The following CSNK1D variants were observed in gnomAD, a reference collection of about 807,000 sequenced individuals.
CSNK1D encodes the protein casein kinase I isoform delta.
A neutral mutation model predicts 46.6 loss-of-function variants in CSNK1D; 16 were observed. That is an observed-to-expected ratio of 0.34 (90% CI 0.23 to 0.52). The LOEUF (loss-of-function observed/expected upper bound fraction) is 0.52. Ranked by LOEUF, CSNK1D falls within the 20% of genes least tolerant of loss-of-function variation. The pLI is 0.95. For missense variants in CSNK1D, 398 were observed against 578.4 expected (o/e 0.69, Z 3.20); for synonymous variants, 276 against 228.2 (o/e 1.21, Z -1.89).
chr17:82,248,785 A>G lies in CSNK1D; in HGVS notation c.1197+90T>C. ...CTCTCAAAAATGGGGGGAAGAAAGGAAAGAAGAAGCCCTGGAGAAACCACA... is the reference window on the plus strand; with the variant it reads ...CTCTCAAAAATGGGGGGAAGAAAGGGAAGAAGAAGCCCTGGAGAAACCACA... On this transcript the variant is annotated intron_variant, in intron 8 of 8. Transcript: ENST00000314028. The surrounding 1 kb of genome is among the most constrained non-coding windows in gnomAD (Gnocchi z 4.1). 2 of 1,539,078 alleles carry G rather than the reference A, an allele frequency of 1.3e-6. No individual in the cohort carries two copies. The highest frequency in any genetic ancestry group is 1.7e-6 in the Non-Finnish European group (2 of 1,143,936).
intron 2 of CSNK1D, chr17:82,265,438 C>G: frequency 2.1e-6 from 1 of 486,572 alleles, no homozygotes; most frequent in Non-Finnish European, 3.8e-6. Context: ...CTTGGCCTCC[C>G]AAAGTGCTGG....
At position 82,243,459 on chromosome 17, in the gene CSNK1D, A is replaced by G; in HGVS notation, c.*1322T>C. The G allele has an allele frequency of 3.0e-6, 3 of 985,528 alleles. No individual in the cohort carries two copies. Among genetic ancestry groups the G allele is most frequent in the Non-Finnish European group, 3.6e-6 (3 of 829,976 alleles). The allele number at this position is 985,528 out of a possible 1,614,324, so 61.0% of individuals were successfully genotyped here. On this transcript the variant is annotated 3_prime_UTR_variant, in exon 9 of 9. Transcript: ENST00000314028. The stretch of plus-strand genomic sequence containing the variant: ...CCTGGGAACCTCAGGGCACAGCAGC[A>G]TGGAGCCTGGGGCAGCACCAGCTCA...
chr17:82,242,661 G>A (rs535932352), downstream of CSNK1D: 75 of 985,422 alleles, frequency 7.6e-5, no homozygotes, highest in Non-Finnish European at 8.6e-5. Flanking sequence ...GGAAAGGGGA[G>A]GGAAGAAAGG....
chr17:82,244,746 G>GC lies in CSNK1D; in HGVS notation c.*34dup. On this transcript the variant is annotated 3_prime_UTR_variant, in exon 9 of 9. Coordinates refer to ENST00000314028, the MANE Select transcript of CSNK1D (RefSeq NM_001893.6). ...ATTGGTAACAGAGTAGATCAGCCATGCATTGTCTGCCCTTCACAGCAATAA... is the reference window on the plus strand; with the variant it reads ...ATTGGTAACAGAGTAGATCAGCCATGCCATTGTCTGCCCTTCACAGCAATAA... 6.2e-7 allele frequency: 1 copy of GC among 1,613,742 alleles called. No homozygotes were observed. Among genetic ancestry groups the GC allele is most frequent in the South Asian group, 1.1e-5 (1 of 91,086 alleles).
In CSNK1D at chr17:82,249,316, G is replaced by A. The variant is rs1201783719; in HGVS notation, c.1057+115C>T. 62 of 1,153,252 alleles carry A rather than the reference G, an allele frequency of 5.4e-5. No homozygotes were observed. Among genetic ancestry groups the A allele is most frequent in the Middle Eastern group, 4.7e-4 (2 of 4,290 alleles). The allele number at this position is 1,153,252 out of a possible 1,614,324, so 71.4% of individuals were successfully genotyped here. A position where few individuals can be genotyped will look rare whatever the true frequency, so the allele number is the denominator to read the frequency against. The stretch of plus-strand genomic sequence containing the variant: ...TCATCCACCCTCAGGAGCGAGCATC[G>A]CCTGACACAGGGCACTTAGTGTCCA... On this transcript the variant is annotated intron_variant, in intron 7 of 8. Transcript: ENST00000314028. This position sits in a 1 kb window ranked among gnomAD's most constrained non-coding sequence, Gnocchi z 6.7.
chr17:82,243,347 AAC>A lies in CSNK1D; in HGVS notation c.*1432_*1433del, dbSNP rs1398849040. The A allele has an allele frequency of 9.1e-6, 9 of 985,410 alleles. No homozygotes were observed. Among genetic ancestry groups the A allele is most frequent in the Non-Finnish European group, 1.1e-5 (9 of 830,010 alleles). 61.0% of individuals were successfully genotyped at this position (985,410 alleles called of 1,614,324 possible). A position where few individuals can be genotyped will look rare whatever the true frequency, so the allele number is the denominator to read the frequency against. Reference sequence around the variant, plus strand: ...ATGGGGTCCAGCCGAAGTGCCCACGAACACAGACTGCCCTGCGCATTGGGGTT... The same window carrying A: ...ATGGGGTCCAGCCGAAGTGCCCACGAACAGACTGCCCTGCGCATTGGGGTT... On this transcript the variant is annotated 3_prime_UTR_variant, in exon 9 of 9. Coordinates refer to ENST00000314028, the MANE Select transcript of CSNK1D (RefSeq NM_001893.6).
downstream of CSNK1D, among the ~76,000 whole-genome samples, chr17:82,241,384 C>T (rs112306536): frequency 0.011 from 1,657 of 152,340 alleles, 23 homozygotes; most frequent in Non-Finnish European, 0.016. Context: ...GGAGGGCCTG[C>T]TCTTTTCAGC....
At position 82,255,331 on chromosome 17, in the gene CSNK1D, G is replaced by C. The variant is rs764961361; in HGVS notation, c.336+98C>G. 5 of 1,425,108 alleles carry C rather than the reference G, an allele frequency of 3.5e-6. No individual in the cohort carries two copies. The highest frequency in any genetic ancestry group is 4.9e-6 in the Non-Finnish European group (5 of 1,010,376). 88.3% of individuals were successfully genotyped at this position (1,425,108 alleles called of 1,614,324 possible). ...GGCTCAGCAAATTTCCATTTCCTCT[G>C]TGAATTAATGGCCATAATAATGGCA... is the stretch of plus-strand genomic sequence containing the variant. On this transcript the variant is annotated intron_variant, in intron 3 of 8. Coordinates refer to ENST00000314028, the MANE Select transcript of CSNK1D (RefSeq NM_001893.6). This position sits in a 1 kb window ranked among gnomAD's most constrained non-coding sequence, Gnocchi z 5.9.
rs548064206 is a variant in CSNK1D, at chr17:82,251,617, G to A, written c.737-90C>T. On this transcript the variant is annotated intron_variant, in intron 5 of 8. Coordinates refer to ENST00000314028, the MANE Select transcript of CSNK1D (RefSeq NM_001893.6). The surrounding 1 kb of genome is among the most constrained non-coding windows in gnomAD (Gnocchi z 4.5). The stretch of plus-strand genomic sequence containing the variant: ...ACGTCGCTGTCTACCTCCTGCTGCT[G>A]CACACTCAAGGGGAGAAGGACAGAT... 3.2e-5 allele frequency: 42 copies of A among 1,294,730 alleles called. No individual in the cohort carries two copies. In the South Asian group the frequency reaches 4.8e-4, roughly 15 times the overall value. 80.2% of individuals were successfully genotyped at this position (1,294,730 alleles called of 1,614,324 possible).
intron 2 of CSNK1D, among the ~76,000 whole-genome samples, chr17:82,259,797 G>A (rs2051276504): frequency 2.0e-5 from 3 of 152,222 alleles, no homozygotes. Context: ...GGAATACTCT[G>A]GGTCAAAGAA....
chr17:82,267,497 G>T (rs549469628), intron 1 of CSNK1D, among the ~76,000 whole-genome samples: 3 of 151,930 alleles, frequency 2.0e-5, no homozygotes, highest in Non-Finnish European at 4.4e-5. Flanking sequence ...CGTTCCACAG[G>T]AATCGCCACC....
intron 1 of CSNK1D, among the ~76,000 whole-genome samples, chr17:82,268,222 C>G (rs1312227221): frequency 6.6e-6 from 1 of 152,218 alleles, no homozygotes; most frequent in Admixed American, 6.5e-5. Context: ...CATCAAGAAG[C>G]AGAACACCAA....
chr17:82,243,659 G>T lies in CSNK1D; in HGVS notation c.*1122C>A. On this transcript the variant is annotated 3_prime_UTR_variant, in exon 9 of 9. Transcript: ENST00000314028. ...TTGGCACCTCAGGGTGGGTCCTTCT[G>T]GCCTGCCGGCTTTTCTGAGCTAGTC... The T allele has an allele frequency of 1.0e-6, 1 of 985,502 alleles. No homozygotes were observed. 61.0% of individuals were successfully genotyped at this position (985,502 alleles called of 1,614,324 possible). A position where few individuals can be genotyped will look rare whatever the true frequency, so the allele number is the denominator to read the frequency against.
At chr17:82,265,887 C>G (rs1161267355) in intron 1 of CSNK1D, 91 bp from the exon 2 acceptor site, 24 of 1,035,948 alleles carry the variant, frequency 2.3e-5, no homozygotes, top group Non-Finnish European at 3.7e-5. Context: ...TATGTGTTTT[C>G]CATGAAGGAC....
chr17:82,244,322 TA>T lies in CSNK1D; in HGVS notation c.*458del. 9.1e-7 allele frequency: 1 copy of T among 1,102,038 alleles called. No homozygotes were observed. Among genetic ancestry groups the T allele is most frequent in the Non-Finnish European group, 1.1e-6 (1 of 896,796 alleles). The allele number at this position is 1,102,038 out of a possible 1,614,324, so 68.3% of individuals were successfully genotyped here. ...AATTCCTTAGTCAACATTTTTTTTGTAAGACTGCAAAAACAGACAAGAAACA... is the reference window on the plus strand; with the variant it reads ...AATTCCTTAGTCAACATTTTTTTTGTAGACTGCAAAAACAGACAAGAAACA... On this transcript the variant is annotated 3_prime_UTR_variant, in exon 9 of 9. Coordinates refer to ENST00000314028, the MANE Select transcript of CSNK1D (RefSeq NM_001893.6).
chr17:82,262,419 G>T (rs6502093), intron 2 of CSNK1D, among the ~76,000 whole-genome samples: 2,338 of 152,320 alleles, frequency 0.015, 68 homozygotes, highest in African/African-American at 0.054. Context: ...AGTGACCAGT[G>T]TGTTTTTAAG....
rs753408118 is a variant in CSNK1D at position 82,255,453 on chromosome 17, G to T, written c.312C>A (p.Thr104=). 1 of 1,614,006 alleles carries T rather than the reference G, an allele frequency of 6.2e-7. No individual in the cohort carries two copies. The highest frequency in any genetic ancestry group is 1.3e-5 in the African/African-American group (1 of 74,892). ...CCATTTGGTCAGCAAGCAGCAGGAC[G>T]GTTTTGAGGCTGAATTTCCTGGAGC... ...NFCSRKFSLK[T]VLLLADQMIS... Residue 104 remains threonine (T), a synonymous_variant, in exon 3 of 9, where the codon ACC becomes ACA. Transcript: ENST00000314028. This position sits in a 1 kb window ranked among gnomAD's most constrained non-coding sequence, Gnocchi z 5.9.
rs1340866776 is a variant in CSNK1D at position 82,250,562 on chromosome 17, C to CG, written c.885+816dup. On this transcript the variant is annotated intron_variant, in intron 6 of 8. Transcript: ENST00000314028. This position sits in a 1 kb window ranked among gnomAD's most constrained non-coding sequence, Gnocchi z 4.6. Reference sequence around the variant, plus strand: ...GGGCCTGCCTCGCCTGCCATCTCTCCGGGGCCTCCAAGTACTCCCCACGCT... The same window carrying CG: ...GGGCCTGCCTCGCCTGCCATCTCTCCGGGGGCCTCCAAGTACTCCCCACGCT... 1 of 246,624 alleles carries CG rather than the reference C, an allele frequency of 4.1e-6. No individual in the cohort carries two copies. The highest frequency in any genetic ancestry group is 2.3e-5 in the African/African-American group (1 of 43,786). 15.3% of individuals were successfully genotyped at this position (246,624 alleles called of 1,614,324 possible).
intron 2 of CSNK1D, among the ~76,000 whole-genome samples, chr17:82,263,579 G>A (rs2051393798): frequency 6.6e-6 from 1 of 152,248 alleles, no homozygotes; most frequent in South Asian, 2.1e-4. Flanking sequence ...GAGAAGTCCT[G>A]TCCGGAACCA....
Sources: gnomAD v4.1 joint callset for allele counts (sites outside exome capture counted in the v4.1 genomes callset) on GRCh38, gnomAD v4.1.1 for gene constraint, Gnocchi (gnomAD v3.1) non-coding constraint, MANE v1.5 for transcripts, NCBI Gene and HGNC (gene_info 2026-07-23, HGNC 2026-07-21) for gene names.